Variants in SCML4 observed in about 807,000 individuals in gnomAD.
SCML4 encodes the protein sex comb on midleg-like protein 4.
SCML4 carries 34 observed loss-of-function variants against 41.1 expected under a neutral mutation model. That is an observed-to-expected ratio of 0.83 (90% confidence interval 0.63 to 1.10). SCML4 has a LOEUF of 1.10. Ranked by LOEUF, SCML4 falls within the 50% of genes least tolerant of loss-of-function variation. The pLI is 0.00. For synonymous variants in SCML4, 214 were observed against 220.9 expected (o/e 0.97, Z 0.28); for missense variants, 522 against 534.1 (o/e 0.98, Z 0.22).
At chr6:107,715,147 G>A (rs1202870759) in intron 6 of SCML4, among the ~76,000 whole-genome samples, 1 of 145,106 alleles carries the variant, frequency 6.9e-6, no homozygotes, top group Non-Finnish European at 1.5e-5. Flanking sequence ...GCTAATTTTT[G>A]TATTTTTAGT....
At chr6:107,733,368 A>G (rs75541185) in intron 5 of SCML4, among the ~76,000 whole-genome samples, 321 of 152,238 alleles carry the variant, frequency 2.1e-3, no homozygotes, top group African/African-American at 7.5e-3. Flanking sequence ...GTATCTGCCC[A>G]CTTCTCTGCC....
chr6:107,771,655 A>T (rs572549797), intron 2 of SCML4, among the ~76,000 whole-genome samples: 1 of 152,222 alleles, frequency 6.6e-6, no homozygotes, highest in Non-Finnish European at 1.5e-5. Context: ...CTAGGAATTA[A>T]CACGCTGAAT....
At chr6:107,766,498 G>A (rs534702015) in intron 2 of SCML4, among the ~76,000 whole-genome samples, 4 of 152,112 alleles carry the variant, frequency 2.6e-5, no homozygotes, top group South Asian at 2.1e-4. Flanking sequence ...AACTATTATC[G>A]AATTTAGCAA....
chr6:107,749,181 C>T (rs1778395786), intron 3 of SCML4, among the ~76,000 whole-genome samples: 3 of 152,158 alleles, frequency 2.0e-5, no homozygotes, highest in Non-Finnish European at 4.4e-5. Flanking sequence ...CTTGTCATTA[C>T]TATTATGATG....
At chr6:107,793,250 T>C (rs1782473497) in intron 1 of SCML4, among the ~76,000 whole-genome samples, 1 of 152,214 alleles carries the variant, frequency 6.6e-6, no homozygotes, top group Non-Finnish European at 1.5e-5. Flanking sequence ...TCAGAATTCT[T>C]GCTAAGACCC....
At chr6:107,728,949 G>T (rs1776263937) in intron 5 of SCML4, among the ~76,000 whole-genome samples, 1 of 152,170 alleles carries the variant, frequency 6.6e-6, no homozygotes. Flanking sequence ...GATTGAAACT[G>T]CATTTTCCGC....
chr6:107,726,349 C>T (rs375746124), intron 5 of SCML4, among the ~76,000 whole-genome samples: 2 of 151,348 alleles, frequency 1.3e-5, no homozygotes, highest in African/African-American at 2.4e-5. Context: ...CTGGCTAACA[C>T]GGTGAAACCC....
Position 107,749,699 on chromosome 6 carries a change from G to A in SCML4, c.271C>T (p.Pro91Ser). 6.2e-7 allele frequency: 1 copy of A among 1,613,938 alleles called. No homozygotes were observed. Among genetic ancestry groups the A allele is most frequent in the Non-Finnish European group, 8.5e-7 (1 of 1,179,992 alleles). The change falls in exon 3 of 8, where the codon CCA becomes TCA. Residue 91 changes from proline to serine, a missense_variant. Physicochemically the swap from Pro to Ser is moderately conservative, Grantham distance 74. Transcript: ENST00000369020. ...DAATVPSLAAPQALTVCLYIN... is the reference protein window; with the variant it reads ...DAATVPSLAASQALTVCLYIN... ...GCTGACCTACCTGTGAGAGCCTGTG[G>A]GGCCGCCAAGCTGGGGACCGTGGCT...
intron 2 of SCML4, among the ~76,000 whole-genome samples, chr6:107,763,421 C>G (rs928840726): frequency 2.0e-5 from 3 of 150,278 alleles, no homozygotes; most frequent in African/African-American, 7.3e-5. Flanking sequence ...GAGCCTCGCT[C>G]TGTCATCCAG....
chr6:107,744,612 A>G (rs1229879157), intron 5 of SCML4, among the ~76,000 whole-genome samples: 1 of 152,242 alleles, frequency 6.6e-6, no homozygotes, highest in Non-Finnish European at 1.5e-5. Context: ...ACAAATGCCC[A>G]GAGTTTCAAT....
At chr6:107,810,147 TGAA>T (rs1293005983) in intron 1 of SCML4, among the ~76,000 whole-genome samples, 6 of 151,976 alleles carry the variant, frequency 3.9e-5, no homozygotes, top group Non-Finnish European at 2.9e-5. Flanking sequence ...TTGGGAGCTG[TGAA>T]GAAGAGGAGT....
the SCML4 span, among the ~76,000 whole-genome samples, chr6:107,842,664 G>A: frequency 6.6e-6 from 1 of 152,190 alleles, no homozygotes; most frequent in Non-Finnish European, 1.5e-5. Flanking sequence ...AAAGTCCTGG[G>A]ATTACAGGCA....
chr6:107,802,620 A>C (rs370319019), intron 1 of SCML4, among the ~76,000 whole-genome samples: 1 of 139,938 alleles, frequency 7.1e-6, no homozygotes, highest in South Asian at 2.4e-4. Flanking sequence ...GGAAGGAAGG[A>C]AGGAAGGAAG....
chr6:107,708,812 G>A (rs554491783), intron 6 of SCML4, among the ~76,000 whole-genome samples: 2 of 152,330 alleles, frequency 1.3e-5, no homozygotes, highest in South Asian at 4.1e-4. Flanking sequence ...TCAGGACAGT[G>A]AAGGAGGAAG....
intron 5 of SCML4, among the ~76,000 whole-genome samples, chr6:107,723,196 C>A (rs1775605659): frequency 6.6e-6 from 1 of 152,082 alleles, no homozygotes; most frequent in South Asian, 2.1e-4. Flanking sequence ...AGGGTTATAT[C>A]CCAATAAATT....
chr6:107,705,206 C>T lies in SCML4; in HGVS notation c.1239G>A (p.Lys413=). ...CYHIDKLKQA[K]F is the part of the protein sequence containing the mutation. ...TTCTGTCTTTTTAAAAAAGTCAGAA[C>T]TTGGCTTGCTTCAGTTTGTCAATGT... Residue 413 remains lysine, a synonymous_variant, in exon 8 of 8, where the codon AAG becomes AAA. Coordinates refer to ENST00000369020, the MANE Select transcript of SCML4 (RefSeq NM_198081.5). The T allele has an allele frequency of 6.4e-7, 1 of 1,551,620 alleles. No homozygotes were observed.
At chr6:107,824,504 GTGTGTGTGTGTGT>G (rs1785171866), upstream of SCML4, among the ~76,000 whole-genome samples, 1 of 131,080 alleles carries the variant, frequency 7.6e-6, no homozygotes, top group Admixed American at 7.3e-5. Context: ...GTGTGTGTGT[GTGTGTGTGTGTGT>G]TTTGTGTTTC....
At chr6:107,794,167 C>T (rs1782545524) in intron 1 of SCML4, among the ~76,000 whole-genome samples, 1 of 152,144 alleles carries the variant, frequency 6.6e-6, no homozygotes, top group Non-Finnish European at 1.5e-5. Context: ...GTGATCACAG[C>T]AGAGTGACTG....
chr6:107,750,182 G>A (rs367617191), intron 2 of SCML4, among the ~76,000 whole-genome samples: 1 of 152,198 alleles, frequency 6.6e-6, no homozygotes, highest in African/African-American at 2.4e-5. Flanking sequence ...TGTGGACAGG[G>A]CTTTCCCTGT....
Sources: gnomAD v4.1 joint callset for allele counts (sites outside exome capture counted in the v4.1 genomes callset) on GRCh38, gnomAD v4.1.1 for gene constraint, MANE v1.5 for transcripts, NCBI Gene and HGNC (gene_info 2026-07-23, HGNC 2026-07-21) for gene names.